ADAMTSL1: variants seen among roughly 807,000 people sequenced by gnomAD.
ADAMTSL1 encodes the protein ADAMTS-like protein 1.
A neutral mutation model predicts 201.8 loss-of-function variants in ADAMTSL1; 126 were observed. That is an observed-to-expected ratio of 0.62 (90% CI 0.54 to 0.72). The LOEUF is 0.72. Among genes scored for constraint, ADAMTSL1 ranks in the 30% least tolerant of loss-of-function variants. ADAMTSL1 has a pLI of 0.00. For synonymous variants in ADAMTSL1, 1,121 were observed against 903.4 expected (o/e 1.24, Z -4.32); for missense variants, 2,679 against 2,277.8 (o/e 1.18, Z -3.59).
intron 1 of ADAMTSL1, among the ~76,000 whole-genome samples, chr9:18,035,852 G>A (rs1821171954): frequency 6.6e-6 from 1 of 152,102 alleles, no homozygotes; most frequent in African/African-American, 2.4e-5. Flanking sequence ...GTTGAATTAA[G>A]TAACAAAATA....
At chr9:18,034,467 G>A (rs1161216441) in intron 1 of ADAMTSL1, among the ~76,000 whole-genome samples, 1 of 152,082 alleles carries the variant, frequency 6.6e-6, no homozygotes, top group Non-Finnish European at 1.5e-5. Flanking sequence ...AATATCCATT[G>A]TGTTTTTCAC....
chr9:18,376,783 G>A (rs758428624), intron 2 of ADAMTSL1, among the ~76,000 whole-genome samples: 1 of 152,130 alleles, frequency 6.6e-6, no homozygotes, highest in Non-Finnish European at 1.5e-5. Context: ...TCCAGCCTGG[G>A]CGACAGAAAG....
chr9:18,653,876 G>A (rs1828456143), intron 7 of ADAMTSL1, among the ~76,000 whole-genome samples: 1 of 152,184 alleles, frequency 6.6e-6, no homozygotes, highest in Admixed American at 6.5e-5. Context: ...TAGCATTTTG[G>A]CAAGCCCTCT....
intron 2 of ADAMTSL1, among the ~76,000 whole-genome samples, chr9:18,254,341 T>C (rs1473340087): frequency 7.1e-6 from 1 of 141,564 alleles, no homozygotes. Context: ...CAATACTCTT[T>C]TTGGTTTTTT....
At chr9:18,550,389 A>G (rs1222877005) in intron 3 of ADAMTSL1, among the ~76,000 whole-genome samples, 1 of 151,928 alleles carries the variant, frequency 6.6e-6, no homozygotes, top group East Asian at 1.9e-4. Context: ...TTGTAGCAAA[A>G]GAAACCAGAG....
intron 1 of ADAMTSL1, among the ~76,000 whole-genome samples, chr9:17,993,517 T>C (rs1489997644): frequency 6.6e-6 from 1 of 152,176 alleles, no homozygotes; most frequent in Non-Finnish European, 1.5e-5. Flanking sequence ...TACATTCATG[T>C]CTATTGCTCA....
chr9:18,080,007 A>G (rs965861818), intron 1 of ADAMTSL1, among the ~76,000 whole-genome samples: 3 of 152,120 alleles, frequency 2.0e-5, no homozygotes, highest in African/African-American at 7.2e-5. Context: ...ACAAAGAGGA[A>G]ATGGTGGTTA....
intron 1 of ADAMTSL1, among the ~76,000 whole-genome samples, chr9:18,060,145 C>G (rs1438657226): frequency 6.6e-6 from 1 of 152,146 alleles, no homozygotes; most frequent in Non-Finnish European, 1.5e-5. Flanking sequence ...ACACATTCCA[C>G]ATATATGTAT....
chr9:18,038,214 C>T (rs964128828), intron 1 of ADAMTSL1, among the ~76,000 whole-genome samples: 7 of 152,118 alleles, frequency 4.6e-5, no homozygotes, highest in East Asian at 3.9e-4. Context: ...ATGTGAGCCT[C>T]GGTTGTTCAT....
At chr9:18,172,733 A>G (rs1249235342) in intron 2 of ADAMTSL1, among the ~76,000 whole-genome samples, 1 of 152,174 alleles carries the variant, frequency 6.6e-6, no homozygotes, top group Non-Finnish European at 1.5e-5. Flanking sequence ...GGTAAATGGG[A>G]GAATAACGTA....
chr9:18,485,839 C>T (rs1342479437), intron 1 of ADAMTSL1, among the ~76,000 whole-genome samples: 1 of 152,108 alleles, frequency 6.6e-6, no homozygotes, highest in Admixed American at 6.5e-5. Flanking sequence ...GGGATGGCCA[C>T]ATAGAGTGGA....
At chr9:18,580,860 C>CTATA (rs1823048530) in intron 4 of ADAMTSL1, among the ~76,000 whole-genome samples, 1 of 152,112 alleles carries the variant, frequency 6.6e-6, no homozygotes, top group African/African-American at 2.4e-5. Context: ...TGAAAGTGTA[C>CTATA]TATAGTCACT....
chr9:18,652,869 C>A (rs1828383877), intron 7 of ADAMTSL1, among the ~76,000 whole-genome samples: 1 of 152,180 alleles, frequency 6.6e-6, no homozygotes, highest in African/African-American at 2.4e-5. Flanking sequence ...ACCCTGACAC[C>A]CAGCCTGTTT....
intron 23 of ADAMTSL1, among the ~76,000 whole-genome samples, chr9:18,841,954 G>T (rs1212027900): frequency 2.6e-5 from 4 of 151,904 alleles, no homozygotes; most frequent in East Asian, 1.9e-4. Flanking sequence ...CTTGCTAGCG[G>T]TCTATCAATT....
intron 7 of ADAMTSL1, among the ~76,000 whole-genome samples, chr9:18,641,199 T>G (rs1284170570): frequency 6.6e-6 from 1 of 152,084 alleles, no homozygotes; most frequent in Non-Finnish European, 1.5e-5. Flanking sequence ...ACCTCTTATT[T>G]CTTCTTCAAG....
At chr9:17,942,973 G>A (rs1401200548) in intron 1 of ADAMTSL1, among the ~76,000 whole-genome samples, 1 of 152,114 alleles carries the variant, frequency 6.6e-6, no homozygotes, top group Non-Finnish European at 1.5e-5. Context: ...CTAGGCTGGA[G>A]TGCAGTGACA....
At chr9:18,085,158 G>C (rs1386198511) in intron 1 of ADAMTSL1, among the ~76,000 whole-genome samples, 1 of 151,884 alleles carries the variant, frequency 6.6e-6, no homozygotes, top group African/African-American at 2.4e-5. Flanking sequence ...GTAGAGAGAG[G>C]GCCAGATTAC....
At chr9:18,027,133 A>G (rs1020522128) in intron 1 of ADAMTSL1, among the ~76,000 whole-genome samples, 7 of 148,622 alleles carry the variant, frequency 4.7e-5, no homozygotes, top group Non-Finnish European at 7.5e-5. Flanking sequence ...CTAGTGATCT[A>G]TTGAACTTGT....
chr9:18,886,526 A>G (rs535242101), intron 23 of ADAMTSL1, among the ~76,000 whole-genome samples: 2 of 150,636 alleles, frequency 1.3e-5, no homozygotes, highest in Non-Finnish European at 3.0e-5. Flanking sequence ...ATAAACAAAC[A>G]AAACAAATTT....
Sources: gnomAD v4.1 joint callset for allele counts (sites outside exome capture counted in the v4.1 genomes callset) on GRCh38, gnomAD v4.1.1 for gene constraint, MANE v1.5 for transcripts, NCBI Gene and HGNC (gene_info 2026-07-23, HGNC 2026-07-21) for gene names.